Variants in RIT2 observed in about 807,000 individuals in gnomAD.
RIT2 encodes the protein GTP-binding protein Rit2.
RIT2 carries 24 observed loss-of-function variants against 23.7 expected under a neutral mutation model. That is an observed-to-expected ratio of 1.01 (90% CI 0.73 to 1.43). RIT2 has a LOEUF of 1.43. Among genes scored for constraint, RIT2 ranks in the 40% most tolerant of loss-of-function variants. RIT2 has a pLI of 0.00. For missense variants in RIT2, 236 were observed against 266.9 expected (o/e 0.88, Z 0.81); for synonymous variants, 107 against 91.1 (o/e 1.17, Z -0.99).
intron 2 of RIT2, among the ~76,000 whole-genome samples, chr18:43,018,629 GC>G (rs1287192628): frequency 1.3e-5 from 2 of 151,798 alleles, no homozygotes; most frequent in African/African-American, 4.8e-5. Context: ...TATTTAAAGT[GC>G]TGAAAGAAAA....
intron 1 of RIT2, among the ~76,000 whole-genome samples, chr18:43,045,417 G>T (rs191489030): frequency 1.3e-5 from 2 of 152,226 alleles, no homozygotes; most frequent in East Asian, 3.9e-4. Context: ...CCCTGATCCT[G>T]CAATGAAAAC....
chr18:43,019,032 G>A (rs934088030), intron 2 of RIT2, among the ~76,000 whole-genome samples: 1 of 151,828 alleles, frequency 6.6e-6, no homozygotes, highest in African/African-American at 2.4e-5. Context: ...ACAGAAATAA[G>A]TGCTCACATA....
At chr18:42,873,151 T>C (rs531180481) in intron 4 of RIT2, among the ~76,000 whole-genome samples, 1 of 152,146 alleles carries the variant, frequency 6.6e-6, no homozygotes, top group Non-Finnish European at 1.5e-5. Context: ...GAATTCAAGA[T>C]GCTGTTTAAT....
intron 2 of RIT2, among the ~76,000 whole-genome samples, chr18:43,002,111 G>A (rs1266046753): frequency 6.6e-6 from 1 of 151,976 alleles, no homozygotes; most frequent in Non-Finnish European, 1.5e-5. Context: ...TAGAGAAGCT[G>A]ACAGTGCAGC....
intron 4 of RIT2, among the ~76,000 whole-genome samples, chr18:42,923,038 C>T (rs1263638155): frequency 6.6e-6 from 1 of 152,094 alleles, no homozygotes; most frequent in East Asian, 1.9e-4. Context: ...ACAAGGCTTA[C>T]CTGGGAGATT....
chr18:43,009,382 T>TGG (rs775151689), intron 2 of RIT2, among the ~76,000 whole-genome samples: 2 of 151,738 alleles, frequency 1.3e-5, no homozygotes, highest in Non-Finnish European at 2.9e-5. Context: ...AATTTGCATG[T>TGG]GGACAAAAGA....
At position 42,743,522 on chromosome 18, in the gene RIT2, A is replaced by G. The variant is rs1225929676; in HGVS notation, c.625T>C (p.Leu209=). 7 of 1,613,608 alleles carry G rather than the reference A, an allele frequency of 4.3e-6. No homozygotes were observed. In the Admixed American group the frequency reaches 1.0e-4, roughly 23 times the overall value. The part of the protein sequence containing the change: ...DSLWKKLKGS[L]KKKRENMT Reference sequence around the variant, plus strand: ...GTCATATTTTCTCTCTTCTTCTTCAAAGAACCTTTGAGCTTCTTCCACAGG... The same window carrying G: ...GTCATATTTTCTCTCTTCTTCTTCAGAGAACCTTTGAGCTTCTTCCACAGG... Residue 209 remains leucine, a synonymous_variant, in exon 5 of 5, where the codon TTG becomes CTG. Transcript: ENST00000326695.
chr18:42,913,331 G>A (rs1382199127), intron 4 of RIT2, among the ~76,000 whole-genome samples: 3 of 151,798 alleles, frequency 2.0e-5, no homozygotes, highest in Admixed American at 2.0e-4. Context: ...ACTAGGCAGT[G>A]TTCTGAGATT....
chr18:43,044,735 G>T (rs924175176), intron 1 of RIT2, among the ~76,000 whole-genome samples: 3 of 152,180 alleles, frequency 2.0e-5, no homozygotes, highest in African/African-American at 7.2e-5. Flanking sequence ...AGCATCATTT[G>T]GTTGGGGAAA....
At chr18:42,990,104 C>A (rs754192574) in intron 2 of RIT2, among the ~76,000 whole-genome samples, 25 of 151,670 alleles carry the variant, frequency 1.6e-4, no homozygotes, top group African/African-American at 5.8e-4. Context: ...AGCCAACATG[C>A]TGGAGAGCCA....
intron 4 of RIT2, among the ~76,000 whole-genome samples, chr18:42,913,525 ACTT>A: frequency 6.6e-6 from 1 of 151,916 alleles, no homozygotes; most frequent in Admixed American, 6.6e-5. Flanking sequence ...CATAACTTAA[ACTT>A]AAAAAAGAAA....
chr18:43,036,049 C>G (rs1195438828), intron 1 of RIT2, among the ~76,000 whole-genome samples: 1 of 152,136 alleles, frequency 6.6e-6, no homozygotes, highest in Non-Finnish European at 1.5e-5. Flanking sequence ...ATAGAAAGAA[C>G]TGTTATGGGC....
chr18:42,967,696 T>C (rs1910268968), intron 3 of RIT2, among the ~76,000 whole-genome samples: 1 of 151,196 alleles, frequency 6.6e-6, no homozygotes, highest in Admixed American at 6.6e-5. Flanking sequence ...TGGCCAAAAG[T>C]TTTTTCTAAA....
intron 4 of RIT2, among the ~76,000 whole-genome samples, chr18:42,918,186 T>C (rs1245526088): frequency 6.6e-6 from 1 of 152,086 alleles, no homozygotes; most frequent in Non-Finnish European, 1.5e-5. Flanking sequence ...TCTGAAAGAG[T>C]GCTTGTTACC....
At chr18:42,861,280 T>A (rs969849092) in intron 4 of RIT2, among the ~76,000 whole-genome samples, 7 of 152,228 alleles carry the variant, frequency 4.6e-5, no homozygotes, top group African/African-American at 1.7e-4. Context: ...ACTAACCTGA[T>A]GGCAGTTAGG....
chr18:43,082,245 T>A (rs912249611), intron 1 of RIT2, among the ~76,000 whole-genome samples: 1 of 152,102 alleles, frequency 6.6e-6, no homozygotes, highest in Non-Finnish European at 1.5e-5. Flanking sequence ...TGATATCCCA[T>A]TTATCATTTT....
chr18:42,777,659 C>T (rs1913706000), intron 4 of RIT2, among the ~76,000 whole-genome samples: 1 of 152,176 alleles, frequency 6.6e-6, no homozygotes, highest in African/African-American at 2.4e-5. Context: ...GGTCACCCCT[C>T]ACTTCAGATT....
intron 1 of RIT2, among the ~76,000 whole-genome samples, chr18:43,057,468 CA>C (rs1165493845): frequency 6.6e-6 from 1 of 152,158 alleles, no homozygotes; most frequent in Non-Finnish European, 1.5e-5. Context: ...TGAAAAAGGA[CA>C]AGCTTCTATT....
intron 4 of RIT2, among the ~76,000 whole-genome samples, chr18:42,804,939 G>C (rs1905641239): frequency 6.6e-6 from 1 of 152,158 alleles, no homozygotes; most frequent in Admixed American, 6.5e-5. Flanking sequence ...ATTTTTAATG[G>C]TGAGGCTTGA....
Sources: gnomAD v4.1 joint callset for allele counts (sites outside exome capture counted in the v4.1 genomes callset) on GRCh38, gnomAD v4.1.1 for gene constraint, MANE v1.5 for transcripts, NCBI Gene and HGNC (gene_info 2026-07-23, HGNC 2026-07-21) for gene names.